The following PCSK2 variants were observed in gnomAD, a reference collection of about 807,000 sequenced individuals.
PCSK2 encodes proprotein convertase subtilisin/kexin type 2.
A neutral mutation model predicts 69.7 loss-of-function variants in PCSK2; 14 were observed. The ratio of observed to expected loss-of-function variants is 0.20; its 90% CI spans 0.13 to 0.31. PCSK2 has a LOEUF of 0.31. PCSK2 is among the 10% of genes least tolerant of loss of function. The probability of loss-of-function intolerance (pLI) is 1.00; values close to 1 mark genes in which losing one functional copy is unlikely to be tolerated. For missense variants in PCSK2, 544 were observed against 842.5 expected (o/e 0.65, Z 4.39); for synonymous variants, 307 against 320.7 (o/e 0.96, Z 0.46).
rs577788732 is a variant in PCSK2, at chr20:17,358,137, C to CG, written c.283-190_283-189insG. Among the ~76,000 whole-genome samples, 788 of 151,682 alleles carry CG rather than the reference C, an allele frequency of 5.2e-3. 7 individuals carry two copies. The highest frequency in any genetic ancestry group is 0.018 in the African/African-American group (746 of 41,360). ...CCTGGGAAACATAGCGAGACCCCCC[C>CG]TAATCTCTACAAAAAAATACAAAAT... is the stretch of plus-strand genomic sequence containing the variant. On this transcript the variant is annotated intron_variant, in intron 2 of 11. Transcript: ENST00000262545.
At chr20:17,241,019 A>C (rs752951099) in intron 1 of PCSK2, among the ~76,000 whole-genome samples, 11 of 152,186 alleles carry the variant, frequency 7.2e-5, no homozygotes, top group Non-Finnish European at 1.0e-4. Context: ...GGTTAAACGA[A>C]TGTCTTTCTA....
chr20:17,483,061 T>C lies in PCSK2; in HGVS notation c.*991T>C, dbSNP rs1289053178. 6.6e-6 allele frequency: 1 copy of C among 151,168 alleles called. No homozygotes were observed. Among genetic ancestry groups the C allele is most frequent in the Non-Finnish European group, 1.5e-5 (1 of 67,902 alleles). The allele number at this position is 151,168 out of a possible 1,614,324, so 9.4% of individuals were successfully genotyped here. ...TTTTTTACAGCTTTACACACACAGA[T>C]GTGGGCTTTGATTTCCAAGTAATAT... On this transcript the variant is annotated 3_prime_UTR_variant, in exon 12 of 12. Transcript: ENST00000262545.
chr20:17,400,118 G>C (rs1317029348), intron 5 of PCSK2, among the ~76,000 whole-genome samples: 1 of 152,164 alleles, frequency 6.6e-6, no homozygotes, highest in Non-Finnish European at 1.5e-5. Flanking sequence ...TAGCTCTTTA[G>C]TGAAGTATGG....
chr20:17,442,008 T>A (rs1180080131), intron 8 of PCSK2, among the ~76,000 whole-genome samples: 1 of 140,848 alleles, frequency 7.1e-6, no homozygotes, highest in Non-Finnish European at 1.6e-5. Flanking sequence ...GGTGTCCTTA[T>A]TTAAAAGACA....
chr20:17,399,059 A>G (rs1318056105), intron 5 of PCSK2, among the ~76,000 whole-genome samples: 1 of 152,272 alleles, frequency 6.6e-6, no homozygotes, highest in Non-Finnish European at 1.5e-5. Flanking sequence ...AAAAAAAATA[A>G]GTGATTGGCT....
intron 2 of PCSK2, among the ~76,000 whole-genome samples, chr20:17,317,499 G>A (rs1989725583): frequency 6.6e-6 from 1 of 152,104 alleles, no homozygotes; most frequent in Non-Finnish European, 1.5e-5. Flanking sequence ...GTCCATTAGT[G>A]TCCCTCTTGA....
At chr20:17,477,482 T>C (rs1329670053) in intron 11 of PCSK2, among the ~76,000 whole-genome samples, 1 of 152,156 alleles carries the variant, frequency 6.6e-6, no homozygotes, top group African/African-American at 2.4e-5. Context: ...TCTGCATATA[T>C]ATGTTGGTCA....
intron 2 of PCSK2, among the ~76,000 whole-genome samples, chr20:17,342,888 T>C (rs1474691128): frequency 6.6e-6 from 1 of 152,138 alleles, no homozygotes; most frequent in African/African-American, 2.4e-5. Flanking sequence ...ACTCCTGGCT[T>C]CAAGGAATCC....
chr20:17,458,204 T>C lies in PCSK2; in HGVS notation c.1202+1756T>C, dbSNP rs939480230. On this transcript the variant is annotated intron_variant, in intron 10 of 11. Transcript: ENST00000262545. Reference sequence around the variant, plus strand: ...CTAAAATTCTTCAAAATACCAACTTTCTGAGGTTGGAAGCAGACCCTGAGA... The same window carrying C: ...CTAAAATTCTTCAAAATACCAACTTCCTGAGGTTGGAAGCAGACCCTGAGA... Among the ~76,000 whole-genome samples, 3 of 152,252 alleles carry C rather than the reference T, an allele frequency of 2.0e-5. No homozygotes were observed. The South Asian group carries it at 6.2e-4, about 32-fold the overall frequency.
chr20:17,255,866 A>G (rs374176379), intron 1 of PCSK2, among the ~76,000 whole-genome samples: 27 of 152,160 alleles, frequency 1.8e-4, no homozygotes, highest in African/African-American at 5.5e-4. Flanking sequence ...GTTTGCTACT[A>G]TTTTGATGAG....
intron 1 of PCSK2, among the ~76,000 whole-genome samples, chr20:17,229,455 C>A (rs2122924816): frequency 6.7e-6 from 1 of 149,556 alleles, no homozygotes; most frequent in East Asian, 2.1e-4. Context: ...GGGAGGGAGC[C>A]ATAGGTTTCT....
chr20:17,471,961 T>C (rs2033209466), intron 11 of PCSK2, among the ~76,000 whole-genome samples: 1 of 152,250 alleles, frequency 6.6e-6, no homozygotes, highest in Non-Finnish European at 1.5e-5. Flanking sequence ...GTGGGTTTCC[T>C]TGGCATTAAT....
Position 17,235,989 on chromosome 20 carries a change from T to C in PCSK2, c.177+8507T>C, listed in dbSNP as rs138957434. ...ATATTTTTGTCAGAATCACTCATCA[T>C]TATTTTAAAAAATACCAAGTAATAA... On this transcript the variant is annotated intron_variant, in intron 1 of 11. Coordinates refer to ENST00000262545, the MANE Select transcript of PCSK2 (RefSeq NM_002594.5). 3.9e-3 allele frequency among the ~76,000 whole-genome samples: 590 copies of C among 152,268 alleles called. 2 individuals carry two copies. The highest frequency in any genetic ancestry group is 0.013 in the African/African-American group (558 of 41,576).
chr20:17,389,635 T>G (rs998146778), intron 5 of PCSK2, among the ~76,000 whole-genome samples: 1 of 152,196 alleles, frequency 6.6e-6, no homozygotes, highest in South Asian at 2.1e-4. Context: ...GGACCAGGGC[T>G]CATTTATCTT....
At chr20:17,323,592 C>T (rs1043369417) in intron 2 of PCSK2, among the ~76,000 whole-genome samples, 2 of 152,200 alleles carry the variant, frequency 1.3e-5, no homozygotes, top group African/African-American at 4.8e-5. Context: ...AACTACAAAA[C>T]CAAGTTCTGC....
chr20:17,302,169 A>C (rs1306100389), intron 2 of PCSK2, among the ~76,000 whole-genome samples: 2 of 152,132 alleles, frequency 1.3e-5, no homozygotes, highest in Non-Finnish European at 2.9e-5. Context: ...ATTGGGTTAC[A>C]GTAGGAGTTT....
intron 1 of PCSK2, among the ~76,000 whole-genome samples, chr20:17,254,596 T>A (rs1987111288): frequency 6.6e-6 from 1 of 152,226 alleles, no homozygotes; most frequent in Non-Finnish European, 1.5e-5. Flanking sequence ...ACTACTTTGA[T>A]TACTTTAGCT....
intron 1 of PCSK2, among the ~76,000 whole-genome samples, chr20:17,251,978 G>A (rs964838145): frequency 2.0e-5 from 3 of 152,232 alleles, no homozygotes; most frequent in Admixed American, 6.5e-5. Flanking sequence ...GCTTCTCAAT[G>A]TTGCCTGGGC....
chr20:17,246,084 T>TAGGACATGA (rs1986762012), intron 1 of PCSK2, among the ~76,000 whole-genome samples: 1 of 152,200 alleles, frequency 6.6e-6, no homozygotes, highest in Admixed American at 6.5e-5. Context: ...CATGATACTC[T>TAGGACATGA]GCACCTAGGA....
Sources: allele counts gnomAD v4.1 joint callset (sites outside exome capture counted in the v4.1 genomes callset), GRCh38; gene constraint gnomAD v4.1.1; transcripts MANE v1.5; gene names NCBI Gene and HGNC (gene_info 2026-07-23, HGNC 2026-07-21).